FAR2: variants seen among roughly 807,000 people sequenced by gnomAD.
FAR2 encodes the protein fatty acyl-CoA reductase 2, also known as epididymis secretory protein Li 81.
A neutral mutation model predicts 56.0 loss-of-function variants in FAR2; 19 were observed. The ratio of observed to expected loss-of-function variants is 0.34; its 90% CI spans 0.24 to 0.50. The LOEUF is 0.50. Among genes scored for constraint, FAR2 ranks in the 20% least tolerant of loss-of-function variants. The pLI is 0.98. For synonymous variants in FAR2, 219 were observed against 218.8 expected (o/e 1.00, Z -0.01); for missense variants, 508 against 642.2 (o/e 0.79, Z 2.26).
At chr12:29,332,221 A>G (rs1057334982) in intron 10 of FAR2, among the ~76,000 whole-genome samples, 6 of 152,232 alleles carry the variant, frequency 3.9e-5, no homozygotes. Flanking sequence ...GAGGAAAGGG[A>G]AAGTTGCATC....
intron 1 of FAR2, among the ~76,000 whole-genome samples, chr12:29,210,013 C>A (rs1345112701): frequency 6.6e-6 from 1 of 151,928 alleles, no homozygotes. Context: ...TCAAGACCAG[C>A]CTGGGCAATA....
intron 9 of FAR2, among the ~76,000 whole-genome samples, chr12:29,318,805 C>A (rs936721477): frequency 6.6e-6 from 1 of 151,858 alleles, no homozygotes; most frequent in Non-Finnish European, 1.5e-5. Context: ...CAATGAATAT[C>A]AGTGTGCATG....
In FAR2 at chr12:29,311,085, AT is replaced by A. The variant is rs770582505; in HGVS notation, c.828del (p.Pro277GlnfsTer10). On this transcript the variant is annotated frameshift_variant, in exon 7 of 12. Transcript: ENST00000536681. LOFTEE classifies it high-confidence loss of function. ...KATPMAVADV[I>X]PVDTVVNLML... ...TACTCCAATGGCTGTGGCAGACGTA[AT>A]TCCAGTTGATACAGTCGTCAATCTC... 6.2e-7 allele frequency: 1 copy of A among 1,613,694 alleles called. No homozygotes were observed. Among genetic ancestry groups the A allele is most frequent in the African/African-American group, 1.3e-5 (1 of 75,016 alleles).
chr12:29,296,282 G>T (rs187888637), intron 3 of FAR2, among the ~76,000 whole-genome samples: 6 of 152,148 alleles, frequency 3.9e-5, no homozygotes, highest in African/African-American at 1.4e-4. Flanking sequence ...TAGTGTGATT[G>T]TAGGCATTAT....
intron 1 of FAR2, among the ~76,000 whole-genome samples, chr12:29,252,503 A>G (rs1948230770): frequency 6.6e-6 from 1 of 152,194 alleles, no homozygotes; most frequent in Non-Finnish European, 1.5e-5. Context: ...TGTTATGAAT[A>G]TGTGTGTATA....
intron 10 of FAR2, among the ~76,000 whole-genome samples, chr12:29,327,123 A>C (rs577167398): frequency 6.6e-6 from 1 of 152,364 alleles, no homozygotes; most frequent in African/African-American, 2.4e-5. Context: ...ACAAATGGAG[A>C]GCCAAATCAT....
rs912669814 is a variant in FAR2 at position 29,174,739 on chromosome 12, G to C, written c.-39+25332G>C. Among the ~76,000 whole-genome samples the C allele has an allele frequency of 1.1e-4, 16 of 152,128 alleles. 1 individual carries two copies. Among genetic ancestry groups the C allele is most frequent in the Admixed American group, 9.8e-4 (15 of 15,272 alleles). On this transcript the variant is annotated intron_variant, in intron 1 of 11. Coordinates refer to ENST00000536681, the MANE Select transcript of FAR2 (RefSeq NM_001271783.2). ...CCGGCCAGGAGTGGCTTTTAGAAGT[G>C]GAACTAGCCTCGGAGAAGAGAGGCG...
rs145698191 is a variant in FAR2, at chr12:29,198,332, C to T, written c.-39+48925C>T. Among the ~76,000 whole-genome samples the T allele has an allele frequency of 7.8e-4, 118 of 152,224 alleles. 1 individual carries two copies. In the East Asian group the frequency reaches 0.022, roughly 28 times the overall value. On this transcript the variant is annotated intron_variant, in intron 1 of 11. Coordinates refer to ENST00000536681, the MANE Select transcript of FAR2 (RefSeq NM_001271783.2). ...CAAGCCCCACCTCCCAGGTTCATGC[C>T]ATTCTCCTGCCTCAGCCTCCGGAGT...
rs138379689 is a variant in FAR2, at chr12:29,328,869, G to A, written c.1258-3731G>A. ...TAACAAGCCTGCACGTTATGCACAC[G>A]TATCCTAAAACTTAAAATATAATAA... is the stretch of plus-strand genomic sequence containing the variant. On this transcript the variant is annotated intron_variant, in intron 10 of 11. Coordinates refer to ENST00000536681, the MANE Select transcript of FAR2 (RefSeq NM_001271783.2). Among the ~76,000 whole-genome samples the A allele has an allele frequency of 6.8e-4, 103 of 151,186 alleles. No individual in the cohort carries two copies. The East Asian group carries it at 0.015, about 22-fold the overall frequency.
chr12:29,328,549 G>A (rs1949682280), intron 10 of FAR2, among the ~76,000 whole-genome samples: 1 of 152,232 alleles, frequency 6.6e-6, no homozygotes, highest in South Asian at 2.1e-4. Context: ...TATACACCAT[G>A]GAATACTATG....
intron 1 of FAR2, among the ~76,000 whole-genome samples, chr12:29,269,996 C>T (rs1042918113): frequency 6.6e-6 from 1 of 152,190 alleles, no homozygotes; most frequent in African/African-American, 2.4e-5. Flanking sequence ...ACACCATGAC[C>T]CCAGCCCTTC....
At chr12:29,155,747 T>C (rs1349622567) in intron 1 of FAR2, among the ~76,000 whole-genome samples, 1 of 152,258 alleles carries the variant, frequency 6.6e-6, no homozygotes, top group East Asian at 1.9e-4. Context: ...ATGACTGCTT[T>C]AGTGCCCTAA....
chr12:29,329,775 C>CA (rs1364575912), intron 10 of FAR2, among the ~76,000 whole-genome samples: 1 of 151,400 alleles, frequency 6.6e-6, no homozygotes, highest in Non-Finnish European at 1.5e-5. Flanking sequence ...AGGTATCTTG[C>CA]AAAAAAATAC....
chr12:29,216,863 GAGCTACAAAGCACTT>G (rs1453119959), intron 1 of FAR2, among the ~76,000 whole-genome samples: 1 of 152,116 alleles, frequency 6.6e-6, no homozygotes, highest in Non-Finnish European at 1.5e-5. Context: ...TTTATCAAAA[GAGCTACAAAGCACTT>G]TGGTGTACAA....
In FAR2 at chr12:29,311,935, A is replaced by G. The variant is rs747168974; in HGVS notation, c.940A>G (p.Asn314Asp). The G allele has an allele frequency of 3.7e-6, 6 of 1,610,650 alleles. No individual in the cohort carries two copies. The Admixed American group carries it at 1.0e-4, about 27-fold the overall frequency. ...TACATCTGGTAACATGAATCCCTGC[A>G]ATTGGCACAAAATGGGTAAGTACTT... is the stretch of plus-strand genomic sequence containing the variant. Reference protein sequence around the residue: ...HITSGNMNPCNWHKMGVQVLA... With the variant: ...HITSGNMNPCDWHKMGVQVLA... The change falls in exon 8 of 12, where the codon AAT becomes GAT. Residue 314 changes from asparagine to aspartate, a missense_variant. By Grantham distance (23) the Asn-to-Asp change is conservative (BLOSUM62 1). Transcript: ENST00000536681.
intron 1 of FAR2, among the ~76,000 whole-genome samples, chr12:29,153,095 G>A (rs761810283): frequency 6.6e-6 from 1 of 152,184 alleles, no homozygotes; most frequent in Non-Finnish European, 1.5e-5. Flanking sequence ...ACCAGACACT[G>A]TGCCAGCTTT....
chr12:29,179,190 G>T (rs1159539838), intron 1 of FAR2, among the ~76,000 whole-genome samples: 1 of 152,140 alleles, frequency 6.6e-6, no homozygotes. Context: ...GGTTATCAAG[G>T]TTAGAACTTC....
intron 9 of FAR2, among the ~76,000 whole-genome samples, chr12:29,320,891 G>C (rs1949540065): frequency 6.6e-6 from 1 of 152,134 alleles, no homozygotes; most frequent in Admixed American, 6.5e-5. Context: ...AGGGTAGTGA[G>C]ATTACACAGC....
chr12:29,247,612 G>C (rs928280343), intron 1 of FAR2, among the ~76,000 whole-genome samples: 2 of 152,098 alleles, frequency 1.3e-5, no homozygotes, highest in African/African-American at 4.8e-5. Context: ...ATAACACATT[G>C]AGATACGGTT....
Sources: allele counts gnomAD v4.1 joint callset (sites outside exome capture counted in the v4.1 genomes callset), GRCh38; gene constraint gnomAD v4.1.1; transcripts MANE v1.5; gene names NCBI Gene and HGNC (gene_info 2026-07-23, HGNC 2026-07-21).